MLLT10: variants seen among roughly 807,000 people sequenced by gnomAD.
MLLT10 encodes the protein MLLT10 histone lysine methyltransferase DOT1L cofactor, also known as protein AF-10.
Under a neutral mutation model 129.1 loss-of-function variants are expected in MLLT10, and 30 were observed. The ratio of observed to expected loss-of-function variants is 0.23; its 90% CI spans 0.17 to 0.32. The LOEUF is 0.32. Ranked by LOEUF, MLLT10 falls within the 10% of genes least tolerant of loss-of-function variation. The probability of loss-of-function intolerance (pLI) is 1.00; values close to 1 mark genes in which losing one functional copy is unlikely to be tolerated. For missense variants in MLLT10, 1,119 were observed against 1,268.3 expected, an observed-to-expected ratio of 0.88 and a Z score of 1.79; for synonymous variants, 490 against 446.4, an observed-to-expected ratio of 1.10 and a Z score of -1.23.
chr10:21,608,305 G>A (rs548317522), intron 5 of MLLT10, among the ~76,000 whole-genome samples: 41 of 151,842 alleles, frequency 2.7e-4, no homozygotes, highest in African/African-American at 7.5e-4. Context: ...GAGTAGCTGG[G>A]ACTACAGGCT....
intron 8 of MLLT10, among the ~76,000 whole-genome samples, chr10:21,636,669 G>T (rs2131281949): frequency 6.6e-6 from 1 of 151,708 alleles, no homozygotes; most frequent in South Asian, 2.1e-4. Context: ...CTGCCTCCAG[G>T]GTGCAAGCCA....
intron 3 of MLLT10, among the ~76,000 whole-genome samples, chr10:21,581,596 G>A (rs4259744): frequency 0.012 from 1,786 of 152,272 alleles, 31 homozygotes; most frequent in African/African-American, 0.04. Flanking sequence ...TTGAAGGAGG[G>A]AGGTGACTGG....
At chr10:21,585,760 AGTTTT>A (rs1272748571) in intron 3 of MLLT10, among the ~76,000 whole-genome samples, 5 of 151,808 alleles carry the variant, frequency 3.3e-5, no homozygotes, top group Non-Finnish European at 7.4e-5. Context: ...TTGTGGCAGG[AGTTTT>A]GTTTTGTTTC....
chr10:21,592,441 T>C (rs886345607), intron 4 of MLLT10, among the ~76,000 whole-genome samples: 45 of 146,830 alleles, frequency 3.1e-4, no homozygotes, highest in Admixed American at 2.0e-4. Flanking sequence ...TTTTCTGTAG[T>C]TTTTTTTTTT....
intron 9 of MLLT10, among the ~76,000 whole-genome samples, chr10:21,667,526 T>C (rs1252687843): frequency 6.6e-6 from 1 of 152,098 alleles, no homozygotes; most frequent in Non-Finnish European, 1.5e-5. Context: ...CACTGTTTTT[T>C]TTTTAATGTA....
intron 21 of MLLT10, among the ~76,000 whole-genome samples, chr10:21,738,716 C>T (rs1436231100): frequency 6.6e-6 from 1 of 152,206 alleles, no homozygotes; most frequent in Non-Finnish European, 1.5e-5. Flanking sequence ...GAGTTGATCG[C>T]TTTTCCTCCT....
intron 13 of MLLT10, among the ~76,000 whole-genome samples, chr10:21,704,251 T>A (rs1000027739): frequency 6.7e-6 from 1 of 149,714 alleles, no homozygotes; most frequent in Admixed American, 6.6e-5. Flanking sequence ...TCAAGTGATC[T>A]GCCAGCCTTG....
At chr10:21,653,377 G>A (rs1180174124) in intron 9 of MLLT10, among the ~76,000 whole-genome samples, 3 of 152,196 alleles carry the variant, frequency 2.0e-5, no homozygotes, top group Non-Finnish European at 2.9e-5. Flanking sequence ...CCTGTCAGGT[G>A]GGGATCAGCC....
intron 21 of MLLT10, chr10:21,738,695 G>A (rs572795302): frequency 1.6e-5 from 6 of 386,070 alleles, no homozygotes; most frequent in South Asian, 1.1e-4. Context: ...ACCTGGCAAC[G>A]GCATTAGACA....
intron 21 of MLLT10, chr10:21,738,582 C>T: frequency 8.0e-7 from 1 of 1,246,768 alleles, no homozygotes; most frequent in Non-Finnish European, 1.0e-6. Flanking sequence ...TTGGAAGCCT[C>T]CGCACAGCTT....
rs34367086 is a variant in MLLT10 at position 21,563,791 on chromosome 10, GTATTAT to G, written c.241-22471_241-22466del. ...GGCGGGTAGTGATATCTCACTGTGT[GTATTAT>G]TATTATTATTATTATTATTATTATT... is the stretch of plus-strand genomic sequence containing the variant. On this transcript the variant is annotated intron_variant, in intron 3 of 22. Coordinates refer to ENST00000307729, the MANE Select transcript of MLLT10 (RefSeq NM_001195626.3). Among the ~76,000 whole-genome samples the G allele has an allele frequency of 4.1e-3, 599 of 145,640 alleles. 6 individuals carry two copies. Among genetic ancestry groups the G allele is most frequent in the African/African-American group, 0.012 (473 of 38,982 alleles).
At chr10:21,735,962 G>A (rs2058329498) in intron 21 of MLLT10, among the ~76,000 whole-genome samples, 1 of 152,170 alleles carries the variant, frequency 6.6e-6, no homozygotes, top group South Asian at 2.1e-4. Context: ...TGTACCAAAA[G>A]TAGAGTGGAG....
chr10:21,612,561 G>T, intron 6 of MLLT10, 110 bp downstream of exon 6: 1 of 552,660 alleles, frequency 1.8e-6, no homozygotes, highest in South Asian at 3.6e-5. Flanking sequence ...AACTTTATTG[G>T]TATAGTTTCT....
At chr10:21,567,944 G>A (rs1262264401) in intron 3 of MLLT10, among the ~76,000 whole-genome samples, 2 of 151,476 alleles carry the variant, frequency 1.3e-5, no homozygotes, top group Non-Finnish European at 2.9e-5. Flanking sequence ...CTCAGCCTCC[G>A]GAGTAGCTGG....
chr10:21,679,496 G>A (rs899805917), intron 11 of MLLT10, among the ~76,000 whole-genome samples: 2 of 152,128 alleles, frequency 1.3e-5, no homozygotes, highest in East Asian at 3.9e-4. Context: ...ACCCATTTAT[G>A]CTGGAGGTTG....
chr10:21,670,545 T>C lies in MLLT10; in HGVS notation c.892T>C (p.Ser298Pro), dbSNP rs760157328. Residue 298 changes from serine to proline, a missense_variant, in exon 10 of 23, where the codon TCT (serine) becomes CCT (proline). Ser to Pro is a moderately conservative substitution (Grantham distance 74). Around this residue, in one of 5 missense-constraint regions of MLLT10, gnomAD observed 1,004 missense variants for 1,008.7 expected, o/e 1.00. Coordinates refer to ENST00000307729, the MANE Select transcript of MLLT10 (RefSeq NM_001195626.3). ...TACAAATGCAAATTTCCAGGAAGTC[T>C]CTGCACACACCTCTAGTGGAAAAGA... ...RFTNANFQEV[S>P]AHTSSGKDVS... The C allele has an allele frequency of 3.7e-6, 6 of 1,614,040 alleles. No homozygotes were observed. The East Asian group carries it at 6.7e-5, about 18-fold the overall frequency.
chr10:21,578,027 C>T (rs781143999), intron 3 of MLLT10, among the ~76,000 whole-genome samples: 1 of 151,986 alleles, frequency 6.6e-6, no homozygotes. Flanking sequence ...TCCTGAGTAC[C>T]TGGGATTACA....
chr10:21,672,454 C>T (rs1364506402), intron 10 of MLLT10, among the ~76,000 whole-genome samples: 25 of 152,022 alleles, frequency 1.6e-4, no homozygotes, highest in Non-Finnish European at 1.8e-4. Context: ...TAGAGGCACA[C>T]GTCACCACCC....
intron 8 of MLLT10, among the ~76,000 whole-genome samples, chr10:21,642,542 A>T (rs895232656): frequency 2.0e-5 from 3 of 151,592 alleles, no homozygotes; most frequent in African/African-American, 7.3e-5. Flanking sequence ...CGGTAATCCC[A>T]GGTACTCGGG....
Sources: allele counts gnomAD v4.1 joint callset (sites outside exome capture counted in the v4.1 genomes callset), GRCh38; gene constraint gnomAD v4.1.1; regional missense constraint gnomAD v4.1.1; transcripts MANE v1.5; gene names NCBI Gene and HGNC (gene_info 2026-07-23, HGNC 2026-07-21).